The following DOCK11 variants were observed in gnomAD, a reference collection of about 807,000 sequenced individuals.
The protein encoded by DOCK11 is dedicator of cytokinesis 11.
Under a neutral mutation model 169.1 loss-of-function variants are expected in DOCK11, and 70 were observed. That is an observed-to-expected ratio of 0.41 (90% CI 0.34 to 0.51). The LOEUF is 0.51. DOCK11 is among the 20% of genes least tolerant of loss of function. DOCK11 has a pLI of 0.10. For missense variants in DOCK11, 1,166 were observed against 1,538.8 expected (o/e 0.76, Z 4.05); for synonymous variants, 529 against 541.3 (o/e 0.98, Z 0.32).
intron 1 of DOCK11, among the ~76,000 whole-genome samples, chrX:118,534,214 AGTTTGTC>A (rs1021310423): frequency 2.7e-5 from 3 of 112,102 alleles, no homozygotes; most frequent in African/African-American, 6.5e-5. Flanking sequence ...CCTGTCAACA[AGTTTGTC>A]GAGTAAAGTT....
intron 14 of DOCK11, among the ~76,000 whole-genome samples, chrX:118,581,782 C>T (rs2013645311): frequency 2.6e-5 from 2 of 78,189 alleles, no homozygotes; most frequent in African/African-American, 1.1e-4. Flanking sequence ...CCAGCCTGGG[C>T]GACAGAGCGA....
chrX:118,559,557 G>A (rs1200324293), intron 6 of DOCK11, among the ~76,000 whole-genome samples: 1 of 110,638 alleles, frequency 9.0e-6, no homozygotes, highest in Non-Finnish European at 1.9e-5. Context: ...GTAATTTTAA[G>A]CCTTCTATTC....
intron 42 of DOCK11, among the ~76,000 whole-genome samples, chrX:118,653,418 T>C (rs756936726): frequency 7.2e-5 from 8 of 110,877 alleles, no homozygotes; most frequent in Non-Finnish European, 1.5e-4. Context: ...ATTGTATTTA[T>C]TTATTTACTT....
chrX:118,680,322 G>A (rs1432229484), intron 48 of DOCK11, among the ~76,000 whole-genome samples, 160 bp from the exon 49 acceptor site: 1 of 111,192 alleles, frequency 9.0e-6, no homozygotes, highest in African/African-American at 3.3e-5. Flanking sequence ...TTTTTAAAAA[G>A]AAGAATGAAG....
In DOCK11 at chrX:118,573,874, T is replaced by C; in HGVS notation, c.1245T>C (p.Phe415=). Residue 415 remains phenylalanine (F), a synonymous_variant, in exon 12 of 53, where the codon TTT becomes TTC. Coordinates refer to ENST00000276202, the MANE Select transcript of DOCK11 (RefSeq NM_144658.4). ...ACAATTGTAAGATTTCAGCAGACTTTCATGTAGACCTGAATCCCCCATCTG... is the reference window on the plus strand; with the variant it reads ...ACAATTGTAAGATTTCAGCAGACTTCCATGTAGACCTGAATCCCCCATCTG... ...VKNNCKISAD[F]HVDLNPPSVR... 1.7e-6 allele frequency: 2 copies of C among 1,211,384 alleles called. No individual in the cohort carries two copies. The highest frequency in any genetic ancestry group is 2.2e-6 in the Non-Finnish European group (2 of 895,353).
intron 46 of DOCK11, among the ~76,000 whole-genome samples, chrX:118,672,066 AG>A (rs2147581862): frequency 8.9e-6 from 1 of 112,488 alleles, no homozygotes; most frequent in Admixed American, 9.4e-5. Flanking sequence ...CACTTCAAAA[AG>A]CTGTCAAATT....
Position 118,651,975 on chromosome X carries a change from T to C in DOCK11, c.4593T>C (p.Ala1531=). Reference sequence around the variant, plus strand: ...ACTTCTTCCCACAGATAATAATTGCTGTAAGCCAACTGATAGCTGATGTAG... The same window carrying C: ...ACTTCTTCCCACAGATAATAATTGCCGTAAGCCAACTGATAGCTGATGTAG... ...FLRTHLQIII[A]VSQLIADVAL... The change falls in exon 42 of 53, where the codon GCT becomes GCC. Residue 1531 remains alanine (A), a synonymous_variant. Coordinates refer to ENST00000276202, the MANE Select transcript of DOCK11 (RefSeq NM_144658.4). The C allele has an allele frequency of 1.7e-6, 2 of 1,194,361 alleles. No homozygotes were observed. Among genetic ancestry groups the C allele is most frequent in the Non-Finnish European group, 2.3e-6 (2 of 884,644 alleles).
chrX:118,684,466 G>A (rs1285598977), intron 52 of DOCK11, among the ~76,000 whole-genome samples: 1 of 107,397 alleles, frequency 9.3e-6, no homozygotes. Flanking sequence ...GTAGAGATGG[G>A]GATTTCACCA....
intron 41 of DOCK11, among the ~76,000 whole-genome samples, chrX:118,649,853 C>A (rs748343094): frequency 9.0e-6 from 1 of 111,559 alleles, no homozygotes; most frequent in African/African-American, 3.3e-5. Flanking sequence ...ACTATGTGAC[C>A]TGGAGCAAGT....
intron 23 of DOCK11, among the ~76,000 whole-genome samples, chrX:118,603,328 G>A (rs2014399254): frequency 8.9e-6 from 1 of 112,456 alleles, no homozygotes; most frequent in African/African-American, 3.2e-5. Context: ...TTTGTTCGTG[G>A]TAGTTTGTTT....
At chrX:118,503,310 C>T (rs934848063) in intron 1 of DOCK11, among the ~76,000 whole-genome samples, 2 of 111,401 alleles carry the variant, frequency 1.8e-5, no homozygotes, top group Non-Finnish European at 3.8e-5. Flanking sequence ...ATCCACCCAC[C>T]TCTGCCTCCC....
chrX:118,649,236 A>G, intron 41 of DOCK11, 109 bp downstream of exon 41: 2 of 573,157 alleles, frequency 3.5e-6, no homozygotes, highest in Non-Finnish European at 5.2e-6. Context: ...GCCATCTAGC[A>G]CTTGATGTGT....
chrX:118,519,803 T>C (rs1381122442), intron 1 of DOCK11, among the ~76,000 whole-genome samples: 1 of 111,963 alleles, frequency 8.9e-6, no homozygotes, highest in Non-Finnish European at 1.9e-5. Context: ...CATAATTTTG[T>C]AATGCAAGTA....
At position 118,542,706 on chromosome X, in the gene DOCK11, A is replaced by T; in HGVS notation, c.103-19A>T. On this transcript the variant is annotated intron_variant, in intron 1 of 52. Coordinates refer to ENST00000276202, the MANE Select transcript of DOCK11 (RefSeq NM_144658.4). ...TTGTGAGTTTGATCATAATAACTTT[A>T]CTTTTGTCTCTTATAAAGGAAAAGG... The T allele has an allele frequency of 9.1e-7, 1 of 1,101,431 alleles. No individual in the cohort carries two copies. Among genetic ancestry groups the T allele is most frequent in the Non-Finnish European group, 1.3e-6 (1 of 799,024 alleles). The allele number at this position is 1,101,431 out of a possible 1,213,427, so 90.8% of individuals were successfully genotyped here.
At chrX:118,651,253 G>A (rs749482062) in intron 41 of DOCK11, among the ~76,000 whole-genome samples, 1 of 111,667 alleles carries the variant, frequency 9.0e-6, no homozygotes, top group South Asian at 3.8e-4. Flanking sequence ...AGGCAACATG[G>A]CAAAATCCTG....
At chrX:118,593,494 C>A (rs1003004416) in intron 20 of DOCK11, among the ~76,000 whole-genome samples, 157 bp downstream of exon 20, 3 of 111,882 alleles carry the variant, frequency 2.7e-5, no homozygotes, top group Non-Finnish European at 5.6e-5. Flanking sequence ...GTACCAGAGA[C>A]TGGGAAGAAA....
intron 28 of DOCK11, among the ~76,000 whole-genome samples, chrX:118,614,431 T>G (rs1255455683): frequency 1.8e-5 from 2 of 111,303 alleles, no homozygotes; most frequent in Non-Finnish European, 3.8e-5. Context: ...TATAGATAAA[T>G]GTATATTTGT....
intron 45 of DOCK11, among the ~76,000 whole-genome samples, chrX:118,663,793 G>A (rs1194322139): frequency 9.6e-6 from 1 of 104,155 alleles, no homozygotes. Flanking sequence ...TCCTGCCTCA[G>A]CCTACCGAGT....
intron 1 of DOCK11, among the ~76,000 whole-genome samples, chrX:118,527,576 A>G (rs1241973926): frequency 1.8e-5 from 2 of 112,525 alleles, no homozygotes; most frequent in Non-Finnish European, 1.9e-5. Flanking sequence ...AAATGAAAAG[A>G]GATGGAGAAC....
Sources: allele counts gnomAD v4.1 joint callset (sites outside exome capture counted in the v4.1 genomes callset), GRCh38; gene constraint gnomAD v4.1.1; transcripts MANE v1.5; gene names NCBI Gene and HGNC (gene_info 2026-07-23, HGNC 2026-07-21).